Variants in RARB observed in about 807,000 individuals in gnomAD.
RARB encodes the protein HBV-activated protein.
Under a neutral mutation model 51.9 loss-of-function variants are expected in RARB, and 17 were observed. That is an observed-to-expected ratio of 0.33 (90% CI 0.22 to 0.49). RARB has a LOEUF of 0.49. Among genes scored for constraint, RARB ranks in the 20% least tolerant of loss-of-function variants. RARB has a pLI of 0.99. For synonymous variants in RARB, 215 were observed against 195.4 expected, an observed-to-expected ratio of 1.10 and a Z score of -0.84; for missense variants, 369 against 550.8, an observed-to-expected ratio of 0.67 and a Z score of 3.30.
intron 4 of RARB, among the ~76,000 whole-genome samples, chr3:25,137,213 T>C (rs750071616): frequency 1.3e-5 from 2 of 151,970 alleles, no homozygotes; most frequent in African/African-American, 2.4e-5. Context: ...GCCTTATACA[T>C]CCAAAGAAAA....
intron 3 of RARB, among the ~76,000 whole-genome samples, chr3:25,533,407 T>C (rs1308427897): frequency 6.6e-6 from 1 of 152,224 alleles, no homozygotes; most frequent in Non-Finnish European, 1.5e-5. Flanking sequence ...CCAAACTTAA[T>C]GTGTCATTAG....
At chr3:25,262,053 T>G (rs1216466742) in intron 5 of RARB, among the ~76,000 whole-genome samples, 4 of 152,168 alleles carry the variant, frequency 2.6e-5, no homozygotes, top group Admixed American at 2.6e-4. Context: ...GGCTTCCTTT[T>G]TTAATAGACT....
chr3:25,297,809 TTCAGAAATTTTTTGATGTTG>T (rs1367746743), intron 5 of RARB, among the ~76,000 whole-genome samples: 1 of 152,182 alleles, frequency 6.6e-6, no homozygotes. Flanking sequence ...GGAGGTTGTT[TTCAGAAATTTTTTGATGTTG>T]TCCTAGATTT....
intron 2 of RARB, among the ~76,000 whole-genome samples, chr3:24,914,161 A>G (rs1695059278): frequency 6.6e-6 from 1 of 152,192 alleles, no homozygotes; most frequent in African/African-American, 2.4e-5. Context: ...ATATGCTCCA[A>G]CATGTTATAG....
At chr3:25,241,620 G>T (rs552123164) in intron 5 of RARB, among the ~76,000 whole-genome samples, 30 of 152,278 alleles carry the variant, frequency 2.0e-4, no homozygotes, top group Admixed American at 1.6e-3. Flanking sequence ...CCAGATTCAT[G>T]CATATCCCTG....
chr3:24,867,997 G>T (rs1702881872), intron 2 of RARB, among the ~76,000 whole-genome samples: 1 of 152,138 alleles, frequency 6.6e-6, no homozygotes, highest in African/African-American at 2.4e-5. Flanking sequence ...GGTTGGAGAT[G>T]ATTCATCCTT....
chr3:25,490,867 G>A (rs1696698398), intron 2 of RARB, among the ~76,000 whole-genome samples: 1 of 152,096 alleles, frequency 6.6e-6, no homozygotes. Context: ...GTCTTTAGTT[G>A]GTTCAAATTC....
chr3:25,023,839 TA>T, intron 2 of RARB, among the ~76,000 whole-genome samples: 1 of 152,262 alleles, frequency 6.6e-6, no homozygotes, highest in East Asian at 1.9e-4. Context: ...TAGGGTACAT[TA>T]AAAAGTAATA....
At chr3:25,050,300 A>G (rs1163673001) in intron 2 of RARB, among the ~76,000 whole-genome samples, 1 of 152,196 alleles carries the variant, frequency 6.6e-6, no homozygotes, top group African/African-American at 2.4e-5. Context: ...GCTTTCAAGC[A>G]GATAAGACAC....
chr3:25,578,235 C>T (rs1701021811), intron 4 of RARB, among the ~76,000 whole-genome samples: 1 of 152,226 alleles, frequency 6.6e-6, no homozygotes, highest in South Asian at 2.1e-4. Context: ...CATTTGAAGC[C>T]TCATGCCTAT....
chr3:24,925,654 TTAAAAAAAA>T (rs1695305401), intron 2 of RARB, among the ~76,000 whole-genome samples: 1 of 126,094 alleles, frequency 7.9e-6, no homozygotes. Flanking sequence ...TTTTTTTTTT[TTAAAAAAAA>T]AAAAAAAAAA....
At chr3:25,464,004 T>C (rs1327600937) in intron 2 of RARB, among the ~76,000 whole-genome samples, 1 of 152,236 alleles carries the variant, frequency 6.6e-6, no homozygotes, top group East Asian at 1.9e-4. Context: ...TACTTAAATT[T>C]ATCCTGAGAT....
chr3:25,008,188 G>C (rs562794518), intron 2 of RARB, among the ~76,000 whole-genome samples: 1 of 152,128 alleles, frequency 6.6e-6, no homozygotes, highest in Non-Finnish European at 1.5e-5. Context: ...GCAGTTCAGA[G>C]TTTTCAGGAA....
At chr3:24,906,844 C>CA (rs397875286) in intron 2 of RARB, among the ~76,000 whole-genome samples, 16,178 of 75,722 alleles carry the variant, frequency 0.21, 2,212 homozygotes, top group Non-Finnish European at 0.31. Flanking sequence ...GATTCCGTCT[C>CA]AAAAAAAAAA....
At chr3:24,949,636 CT>C (rs1274441162) in intron 2 of RARB, among the ~76,000 whole-genome samples, 1 of 152,188 alleles carries the variant, frequency 6.6e-6, no homozygotes, top group Non-Finnish European at 1.5e-5. Context: ...CAAAATGTGA[CT>C]ATTTTGAGGT....
intron 4 of RARB, among the ~76,000 whole-genome samples, chr3:25,133,633 T>C (rs1412846224): frequency 6.6e-6 from 1 of 152,032 alleles, no homozygotes; most frequent in East Asian, 1.9e-4. Context: ...TTTATACCTA[T>C]TCTTTAAAAT....
chr3:25,435,219 T>A (rs1426736413), intron 1 of RARB, among the ~76,000 whole-genome samples: 1 of 152,212 alleles, frequency 6.6e-6, no homozygotes, highest in Admixed American at 6.5e-5. Flanking sequence ...GTTGATAAAT[T>A]ACTATTCATC....
chr3:25,161,963 AAGAC>A (rs1309665986), intron 4 of RARB, among the ~76,000 whole-genome samples: 2 of 152,152 alleles, frequency 1.3e-5, no homozygotes, highest in African/African-American at 2.4e-5. Flanking sequence ...TACAGAGACC[AAGAC>A]AGACAGACAC....
At chr3:24,905,000 A>G (rs1299620405) in intron 2 of RARB, among the ~76,000 whole-genome samples, 1 of 151,904 alleles carries the variant, frequency 6.6e-6, no homozygotes, top group Admixed American at 6.6e-5. Context: ...ACATCACACA[A>G]GGGGAGGGAT....
Sources: allele counts gnomAD v4.1 joint callset (sites outside exome capture counted in the v4.1 genomes callset), GRCh38; gene constraint gnomAD v4.1.1; transcripts MANE v1.5; gene names NCBI Gene and HGNC (gene_info 2026-07-23, HGNC 2026-07-21).